PITPNC1: variants seen among roughly 807,000 people sequenced by gnomAD.
The protein encoded by PITPNC1 is phosphatidylinositol transfer protein cytoplasmic 1.
A neutral mutation model predicts 44.7 loss-of-function variants in PITPNC1; 18 were observed. The ratio of observed to expected loss-of-function variants is 0.40; its 90% CI spans 0.28 to 0.60. PITPNC1 has a LOEUF of 0.60. Ranked by LOEUF, PITPNC1 falls within the 20% of genes least tolerant of loss-of-function variation. PITPNC1 has a pLI of 0.39. For synonymous variants in PITPNC1, 141 were observed against 149.6 expected (o/e 0.94, Z 0.42); for missense variants, 290 against 418.4 (o/e 0.69, Z 2.68).
At chr17:67,483,696 A>G (rs1412961304) in intron 1 of PITPNC1, among the ~76,000 whole-genome samples, 1 of 152,182 alleles carries the variant, frequency 6.6e-6, no homozygotes, top group African/African-American at 2.4e-5. Context: ...GCAGTGTGGG[A>G]AGCTTCTACT....
At chr17:67,380,182 C>A (rs966316977) in intron 1 of PITPNC1, among the ~76,000 whole-genome samples, 3 of 151,722 alleles carry the variant, frequency 2.0e-5, no homozygotes, top group Non-Finnish European at 4.4e-5. Context: ...TCAAGCAATT[C>A]TCCTGCCTCA....
At position 67,440,559 on chromosome 17, in the gene PITPNC1, T is replaced by A. The variant is rs1450901558; in HGVS notation, c.48+62357T>A. Among the ~76,000 whole-genome samples the A allele has an allele frequency of 2.6e-5, 4 of 151,068 alleles. No individual in the cohort carries two copies. The Admixed American group carries it at 2.7e-4, about 10-fold the overall frequency. On this transcript the variant is annotated intron_variant, in intron 1 of 8. Coordinates refer to ENST00000581322, the MANE Select transcript of PITPNC1 (RefSeq NM_012417.4). ...ATTTATTTATTTATTTGAGACAGGGTCTCACTCCATTGCCCAGGCTGGAGT... is the reference window on the plus strand; with the variant it reads ...ATTTATTTATTTATTTGAGACAGGGACTCACTCCATTGCCCAGGCTGGAGT...
In PITPNC1 at chr17:67,377,698, AG is replaced by A. The variant is rs1423810736; in HGVS notation, c.-451del. The A allele has an allele frequency of 1.3e-5, 2 of 154,862 alleles. No homozygotes were observed. The highest frequency in any genetic ancestry group is 6.5e-5 in the Admixed American group (1 of 15,320). The allele number at this position is 154,862 out of a possible 1,614,324, so 9.6% of individuals were successfully genotyped here. A position where few individuals can be genotyped will look rare whatever the true frequency, so the allele number is the denominator to read the frequency against. ...TAGCATCGGGCAGACCCGCCGGAGG[AG>A]GGGGGTCGCCAGGTTCCCGTCTGCT... On this transcript the variant is annotated 5_prime_UTR_variant, in exon 1 of 9. Transcript: ENST00000581322.
At chr17:67,390,116 G>A (rs992902636) in intron 1 of PITPNC1, among the ~76,000 whole-genome samples, 4 of 152,044 alleles carry the variant, frequency 2.6e-5, no homozygotes, top group Non-Finnish European at 5.9e-5. Context: ...GAAAAGTTAC[G>A]GTCCCCGTCC....
intron 8 of PITPNC1, among the ~76,000 whole-genome samples, chr17:67,688,373 AT>A (rs1276872220): frequency 1.3e-4 from 20 of 150,704 alleles, no homozygotes; most frequent in African/African-American, 4.9e-4. Context: ...GTTCTAGGAA[AT>A]TTAGATGTGG....
intron 1 of PITPNC1, among the ~76,000 whole-genome samples, chr17:67,383,629 G>A (rs1335855278): frequency 6.6e-6 from 1 of 152,206 alleles, no homozygotes; most frequent in African/African-American, 2.4e-5. Context: ...CCCTGCACCT[G>A]CCACCCTCGC....
chr17:67,503,974 C>T (rs2040069472), intron 1 of PITPNC1, among the ~76,000 whole-genome samples: 1 of 152,058 alleles, frequency 6.6e-6, no homozygotes, highest in South Asian at 2.1e-4. Context: ...GGATGTTACC[C>T]TTTGGAAGTT....
chr17:67,661,475 A>G lies in PITPNC1; in HGVS notation c.463-8033A>G, dbSNP rs554402473. 9.9e-5 allele frequency among the ~76,000 whole-genome samples: 15 copies of G among 152,198 alleles called. No homozygotes were observed. In the East Asian group the frequency reaches 2.7e-3, roughly 27 times the overall value. Reference sequence around the variant, plus strand: ...CCTTTCTCCCCTCACCCCCAGGCCCACTGTCTTCCTGCAACAGAGACCAAG... The same window carrying G: ...CCTTTCTCCCCTCACCCCCAGGCCCGCTGTCTTCCTGCAACAGAGACCAAG... On this transcript the variant is annotated intron_variant, in intron 6 of 8. Transcript: ENST00000581322.
chr17:67,599,026 A>G (rs1251780352), intron 5 of PITPNC1, among the ~76,000 whole-genome samples: 6 of 32,460 alleles, frequency 1.8e-4, no homozygotes, highest in African/African-American at 5.8e-4. Flanking sequence ...ATATATATAT[A>G]TATATATATT....
intron 5 of PITPNC1, among the ~76,000 whole-genome samples, chr17:67,606,052 G>A (rs2041603566): frequency 1.3e-5 from 2 of 152,316 alleles, no homozygotes; most frequent in South Asian, 4.1e-4. Flanking sequence ...CAGCTGCTCA[G>A]AAGCAGATCC....
chr17:67,675,645 C>T, intron 8 of PITPNC1, 103 bp downstream of exon 8: 1 of 770,456 alleles, frequency 1.3e-6, no homozygotes, highest in Non-Finnish European at 2.3e-6. Flanking sequence ...ACAACAAAGG[C>T]AAGGCCGCTG....
intron 1 of PITPNC1, among the ~76,000 whole-genome samples, chr17:67,495,120 T>G (rs1425861996): frequency 9.3e-5 from 12 of 128,758 alleles, no homozygotes; most frequent in Non-Finnish European, 1.7e-4. Flanking sequence ...GCAGTGGCGC[T>G]ATCTCGGCTC....
intron 1 of PITPNC1, among the ~76,000 whole-genome samples, chr17:67,452,473 T>C (rs1472196048): frequency 6.6e-6 from 1 of 151,972 alleles, no homozygotes; most frequent in Non-Finnish European, 1.5e-5. Flanking sequence ...ACATGTGCTT[T>C]CGTTCCTCTT....
intron 1 of PITPNC1, among the ~76,000 whole-genome samples, chr17:67,494,197 CTTTCTTTCTTTCTTTCTTT>C (rs1568012927): frequency 4.9e-5 from 7 of 142,176 alleles, no homozygotes; most frequent in African/African-American, 1.6e-4. Flanking sequence ...TTCTTTCTTT[CTTTCTTTCTTTCTTTCTTT>C]TTGAGACGTA....
At chr17:67,624,669 C>T (rs2144319392) in intron 5 of PITPNC1, among the ~76,000 whole-genome samples, 1 of 152,108 alleles carries the variant, frequency 6.6e-6, no homozygotes, top group African/African-American at 2.4e-5. Flanking sequence ...CTACAGGCAC[C>T]CGCCAATATG....
chr17:67,473,638 C>T (rs892211366), intron 1 of PITPNC1, among the ~76,000 whole-genome samples: 13 of 152,182 alleles, frequency 8.5e-5, no homozygotes, highest in African/African-American at 2.9e-4. Flanking sequence ...GAGATGGGGT[C>T]TTGTTATGTT....
chr17:67,516,177 T>G (rs2040255772), intron 1 of PITPNC1, among the ~76,000 whole-genome samples: 1 of 152,220 alleles, frequency 6.6e-6, no homozygotes, highest in Non-Finnish European at 1.5e-5. Flanking sequence ...AACCTGAAAC[T>G]GTCAGCAACA....
At chr17:67,437,925 T>C (rs1341430195) in intron 1 of PITPNC1, among the ~76,000 whole-genome samples, 1 of 151,906 alleles carries the variant, frequency 6.6e-6, no homozygotes, top group East Asian at 1.9e-4. Flanking sequence ...AAAATTTAGC[T>C]GGGCGTGGTG....
chr17:67,386,533 G>A (rs1434630417), intron 1 of PITPNC1, among the ~76,000 whole-genome samples: 1 of 152,180 alleles, frequency 6.6e-6, no homozygotes, highest in African/African-American at 2.4e-5. Flanking sequence ...ACCTCTTTAA[G>A]AGCTTCCCCT....
Sources: gnomAD v4.1 joint callset for allele counts (sites outside exome capture counted in the v4.1 genomes callset) on GRCh38, gnomAD v4.1.1 for gene constraint, MANE v1.5 for transcripts, NCBI Gene and HGNC (gene_info 2026-07-23, HGNC 2026-07-21) for gene names.